The following PDZRN4 variants were observed in gnomAD, a reference collection of about 807,000 sequenced individuals.
PDZRN4 encodes PDZ domain containing ring finger 4.
Under a neutral mutation model 99.0 loss-of-function variants are expected in PDZRN4, and 70 were observed. The ratio of observed to expected loss-of-function variants is 0.71; its 90% CI spans 0.58 to 0.86. The LOEUF is 0.86. PDZRN4 is among the 40% of genes least tolerant of loss of function. The pLI is 0.00. For missense variants in PDZRN4, 1,474 were observed against 1,331.2 expected (o/e 1.11, Z -1.67); for synonymous variants, 551 against 501.6 (o/e 1.10, Z -1.32).
In PDZRN4 at chr12:41,573,958, C is replaced by A; in HGVS notation, c.*68C>A. 1 of 1,137,180 alleles carries A rather than the reference C, an allele frequency of 8.8e-7. No homozygotes were observed. Among genetic ancestry groups the A allele is most frequent in the South Asian group, 2.1e-5 (1 of 48,250 alleles). 70.4% of individuals were successfully genotyped at this position (1,137,180 alleles called of 1,614,324 possible). On this transcript the variant is annotated 3_prime_UTR_variant, in exon 10 of 10. Transcript: ENST00000402685. ...ACCAGTTTCGGTAGAGTATGATTGC[C>A]TCGTTCAATGTGGCGTTTTTATATA...
chr12:41,341,445 A>G (rs940656064), intron 3 of PDZRN4, among the ~76,000 whole-genome samples: 1 of 151,920 alleles, frequency 6.6e-6, no homozygotes, highest in South Asian at 2.1e-4. Flanking sequence ...GATCTTGTAT[A>G]TAAAGTATCC....
chr12:41,349,581 A>C (rs569366914), intron 3 of PDZRN4, among the ~76,000 whole-genome samples: 2 of 152,074 alleles, frequency 1.3e-5, no homozygotes, highest in African/African-American at 4.8e-5. Flanking sequence ...TTGCCCTTGC[A>C]TTTCTACCTC....
At chr12:41,343,491 T>C (rs1204015356) in intron 3 of PDZRN4, among the ~76,000 whole-genome samples, 1 of 151,970 alleles carries the variant, frequency 6.6e-6, no homozygotes, top group African/African-American at 2.4e-5. Flanking sequence ...ATGTAACCAA[T>C]AACTACCTGT....
intron 3 of PDZRN4, among the ~76,000 whole-genome samples, chr12:41,376,406 T>C (rs1414117273): frequency 2.0e-5 from 3 of 152,208 alleles, no homozygotes; most frequent in African/African-American, 7.2e-5. Context: ...TTGTTTTTTT[T>C]AGATAATAGC....
intron 3 of PDZRN4, among the ~76,000 whole-genome samples, chr12:41,205,540 G>C (rs577924825): frequency 1.3e-5 from 2 of 151,722 alleles, no homozygotes; most frequent in African/African-American, 4.8e-5. Flanking sequence ...GCACTTTCCC[G>C]TCTCAAGGAC....
At chr12:41,356,661 T>C (rs1951929700) in intron 3 of PDZRN4, among the ~76,000 whole-genome samples, 1 of 151,940 alleles carries the variant, frequency 6.6e-6, no homozygotes, top group South Asian at 2.1e-4. Context: ...ATTATACCAG[T>C]GTGCACACTT....
At chr12:41,347,770 G>A (rs1397229021) in intron 3 of PDZRN4, among the ~76,000 whole-genome samples, 3 of 152,098 alleles carry the variant, frequency 2.0e-5, no homozygotes, top group Non-Finnish European at 4.4e-5. Context: ...GAATTTTGTA[G>A]CTTCAGCTTT....
chr12:41,361,742 T>C (rs1312783834), intron 3 of PDZRN4, among the ~76,000 whole-genome samples: 1 of 152,048 alleles, frequency 6.6e-6, no homozygotes, highest in African/African-American at 2.4e-5. Flanking sequence ...CTTGATTTAG[T>C]ACCTTTAATG....
chr12:41,437,247 C>T (rs1952638047), intron 3 of PDZRN4, among the ~76,000 whole-genome samples: 1 of 152,072 alleles, frequency 6.6e-6, no homozygotes, highest in African/African-American at 2.4e-5. Context: ...CATGTCACCC[C>T]CCCAAATTTC....
rs1159500274 is a variant in PDZRN4, at chr12:41,572,767, A to T, written c.1988A>T (p.Glu663Val). ...AATCAAGGGGAGCAAGAGGGAGTGG[A>T]GCATGAGCTACAGTTGCTTAATGAA... is the stretch of plus-strand genomic sequence containing the variant. ...ECNQGEQEGV[E>V]HELQLLNEEL... The change falls in exon 10 of 10, where the codon GAG becomes GTG. Residue 663 changes from glutamate (E) to valine (V), a missense_variant. Glu to Val is a moderately radical substitution (Grantham distance 121). Transcript: ENST00000402685. The T allele has an allele frequency of 6.2e-7, 1 of 1,614,166 alleles. No homozygotes were observed. Among genetic ancestry groups the T allele is most frequent in the Non-Finnish European group, 8.5e-7 (1 of 1,180,014 alleles).
intron 5 of PDZRN4, among the ~76,000 whole-genome samples, chr12:41,530,528 G>C (rs923153192): frequency 6.6e-6 from 1 of 152,108 alleles, no homozygotes; most frequent in African/African-American, 2.4e-5. Context: ...TATTCACTTG[G>C]TGGGCGTTTG....
chr12:41,198,260 A>G (rs1231511956), intron 3 of PDZRN4, among the ~76,000 whole-genome samples: 1 of 151,978 alleles, frequency 6.6e-6, no homozygotes, highest in Non-Finnish European at 1.5e-5. Context: ...CAATGCAACC[A>G]TAACTCCAGA....
chr12:41,546,347 G>A (rs1255952188), intron 5 of PDZRN4, among the ~76,000 whole-genome samples: 2 of 152,176 alleles, frequency 1.3e-5, no homozygotes, highest in Non-Finnish European at 2.9e-5. Context: ...TCCCAAGAAA[G>A]GCAGGATTAG....
intron 5 of PDZRN4, among the ~76,000 whole-genome samples, chr12:41,530,407 C>T (rs1002775295): frequency 2.0e-5 from 3 of 151,728 alleles, no homozygotes; most frequent in Non-Finnish European, 4.4e-5. Context: ...TATTTTTTTC[C>T]GAAAATTCTG....
intron 3 of PDZRN4, among the ~76,000 whole-genome samples, chr12:41,351,980 AAAATAAAT>A (rs138301663): frequency 7.0e-6 from 1 of 143,068 alleles, no homozygotes; most frequent in South Asian, 2.3e-4. Context: ...CCATTGTCTC[AAAATAAAT>A]AAATAAATAA....
chr12:41,545,377 T>C (rs1002220555), intron 5 of PDZRN4, among the ~76,000 whole-genome samples: 4 of 152,176 alleles, frequency 2.6e-5, no homozygotes, highest in Admixed American at 2.6e-4. Flanking sequence ...AAATTTGGTC[T>C]CCTTGGTAAA....
chr12:41,398,006 C>G (rs1303530011), intron 3 of PDZRN4, among the ~76,000 whole-genome samples: 1 of 151,972 alleles, frequency 6.6e-6, no homozygotes, highest in Non-Finnish European at 1.5e-5. Flanking sequence ...GCCCGGGGGA[C>G]CTTGGGAAGG....
intron 3 of PDZRN4, among the ~76,000 whole-genome samples, chr12:41,221,523 T>G (rs1186816726): frequency 6.6e-6 from 1 of 152,130 alleles, no homozygotes; most frequent in Non-Finnish European, 1.5e-5. Flanking sequence ...GTGTGGGTTT[T>G]TTTTTATTAC....
chr12:41,296,202 G>A (rs1951492600), intron 3 of PDZRN4, among the ~76,000 whole-genome samples: 1 of 152,150 alleles, frequency 6.6e-6, no homozygotes, highest in African/African-American at 2.4e-5. Context: ...TTTTAAACAA[G>A]TGGGATCAAG....
Sources: allele counts gnomAD v4.1 joint callset (sites outside exome capture counted in the v4.1 genomes callset), GRCh38; gene constraint gnomAD v4.1.1; transcripts MANE v1.5; gene names NCBI Gene and HGNC (gene_info 2026-07-23, HGNC 2026-07-21).